NOTCH3: variants seen among roughly 807,000 people sequenced by gnomAD.
NOTCH3 encodes neurogenic locus notch homolog protein 3.
NOTCH3 carries 86 observed loss-of-function variants against 213.3 expected under a neutral mutation model. The ratio of observed to expected loss-of-function variants is 0.40; its 90% CI spans 0.34 to 0.48. NOTCH3 has a LOEUF of 0.48. NOTCH3 is among the 20% of genes least tolerant of loss of function. The pLI, the probability that NOTCH3 is intolerant of heterozygous loss-of-function variation, is 0.57. For missense variants in NOTCH3, 2,783 were observed against 3,272.6 expected, an observed-to-expected ratio of 0.85 and a Z score of 3.65; for synonymous variants, 1,354 against 1,355.9, an observed-to-expected ratio of 1.00 and a Z score of 0.03.
intron 1 of NOTCH3, 85 bp downstream of exon 1, chr19:15,200,703 T>A (rs1316710031): frequency 9.4e-7 from 1 of 1,058,754 alleles, no homozygotes; most frequent in Non-Finnish European, 1.2e-6. Context: ...CTGCCTCCCA[T>A]GAACCCCCGC....
intron 2 of NOTCH3, 67 bp downstream of exon 2, chr19:15,197,433 G>C: frequency 8.5e-7 from 1 of 1,177,600 alleles, no homozygotes; most frequent in Non-Finnish European, 1.2e-6. Flanking sequence ...AGAGGGAGAA[G>C]ACAAATCGCC....
chr19:15,176,741 C>G (rs2046792813), intron 24 of NOTCH3, among the ~76,000 whole-genome samples: 1 of 135,282 alleles, frequency 7.4e-6, no homozygotes, highest in African/African-American at 3.0e-5. Context: ...CCAGCCTGGG[C>G]CACAGAGCAA....
At chr19:15,163,553 A>C (rs949295217) in intron 31 of NOTCH3, among the ~76,000 whole-genome samples, 4 of 152,260 alleles carry the variant, frequency 2.6e-5, no homozygotes, top group African/African-American at 9.6e-5. Context: ...ACTTTTGGCC[A>C]GGCACAGTGG....
chr19:15,199,747 C>T (rs1024056330), intron 1 of NOTCH3, among the ~76,000 whole-genome samples: 2 of 152,278 alleles, frequency 1.3e-5, no homozygotes, highest in South Asian at 2.1e-4. Context: ...CCTGCCTGGT[C>T]CTGCCCCGTC....
chr19:15,173,732 AAAAAAAAAAG>A (rs201174931), intron 25 of NOTCH3, among the ~76,000 whole-genome samples: 12,497 of 29,024 alleles, frequency 0.43, 1,519 homozygotes, highest in African/African-American at 0.56. Flanking sequence ...CTCAAAAAAA[AAAAAAAAAAG>A]AAAAGAAGAA....
rs986161063 is a variant in NOTCH3, at chr19:15,170,495, G to A, written c.4950C>T (p.Gly1650=). 2.5e-6 allele frequency: 4 copies of A among 1,596,688 alleles called. No individual in the cohort carries two copies. Among genetic ancestry groups the A allele is most frequent in the African/African-American group, 1.3e-5 (1 of 74,650 alleles). The part of the protein sequence containing the change: ...SVPLLPLLVA[G]AVLLLVILVL... The stretch of plus-strand genomic sequence containing the variant: ...CGAGAATGACCAGCAGCAAGACAGC[G>A]CCCGCCACTAGCAGTGGCAGCAGCG... Residue 1650 remains glycine, a synonymous_variant, in exon 27 of 33, where the codon GGC becomes GGT. Transcript: ENST00000263388.
intron 6 of NOTCH3, among the ~76,000 whole-genome samples, chr19:15,190,012 C>T (rs1194650560): frequency 6.6e-5 from 10 of 152,028 alleles, no homozygotes; most frequent in African/African-American, 1.9e-4. Flanking sequence ...CAGTGGCTCA[C>T]GTCTATAATC....
rs369733076 is a variant in NOTCH3, at chr19:15,184,425, G to A, written c.2436C>T (p.Asp812=). ...WQGPRCQQDV[D]ECAGPAPCGP... Reference sequence around the variant, plus strand: ...CACAGGGTGCGGGGCCAGCACACTCGTCCACATCCTGCTGGCATCGTGGGC... The same window carrying A: ...CACAGGGTGCGGGGCCAGCACACTCATCCACATCCTGCTGGCATCGTGGGC... The change falls in exon 16 of 33, where the codon GAC becomes GAT. Residue 812 remains aspartate (D), a synonymous_variant. Transcript: ENST00000263388. The A allele has an allele frequency of 4.1e-5, 66 of 1,613,724 alleles. No homozygotes were observed. Among genetic ancestry groups the A allele is most frequent in the Non-Finnish European group, 4.8e-5 (57 of 1,179,876 alleles).
rs1391039325 is a variant in NOTCH3, at chr19:15,174,307, A to G, written c.4497T>C (p.Asp1499=). The change falls in exon 25 of 33, where the codon GAT becomes GAC. Residue 1499 remains aspartate (D), a synonymous_variant. Transcript: ENST00000263388. ...NTEECGWDGL[D]CASEVPALLA... ...GCAGGGCCGGCACCTCGCTGGCACA[A>G]TCCAGCCCATCCCAGCCGCACTCCT... 3 of 1,554,984 alleles carry G rather than the reference A, an allele frequency of 1.9e-6. No homozygotes were observed. Among genetic ancestry groups the G allele is most frequent in the Non-Finnish European group, 2.6e-6 (3 of 1,150,594 alleles).
At chr19:15,162,794 CGT>C (rs2046656988) in intron 31 of NOTCH3, among the ~76,000 whole-genome samples, 1 of 30,868 alleles carries the variant, frequency 3.2e-5, no homozygotes, top group African/African-American at 4.5e-5. Context: ...TGTGTGTGTG[CGT>C]GCATGTGCAT....
At chr19:15,194,949 C>T (rs988519539) in intron 2 of NOTCH3, among the ~76,000 whole-genome samples, 7 of 115,200 alleles carry the variant, frequency 6.1e-5, no homozygotes, top group African/African-American at 2.6e-4. Flanking sequence ...AAGAGCGATA[C>T]TCGATCTCAA....
At chr19:15,168,916 G>A (rs980726875) in intron 28 of NOTCH3, among the ~76,000 whole-genome samples, 5 of 152,050 alleles carry the variant, frequency 3.3e-5, no homozygotes, top group African/African-American at 1.2e-4. Context: ...TGCATTTGAA[G>A]ATAGGACTTT....
Position 15,165,220 on chromosome 19 carries a change from C to T in NOTCH3, c.5815+148G>A. The T allele has an allele frequency of 1.2e-6, 1 of 839,738 alleles. No homozygotes were observed. Among genetic ancestry groups the T allele is most frequent in the Non-Finnish European group, 2.0e-6 (1 of 499,420 alleles). The allele number at this position is 839,738 out of a possible 1,614,324, so 52.0% of individuals were successfully genotyped here. ...ACCCTAAGGACTAGTGGTGACCCTG[C>T]ATGACCCTGCAGGCTTCATGAAGCC... On this transcript the variant is annotated intron_variant, in intron 31 of 32. Coordinates refer to ENST00000263388, the MANE Select transcript of NOTCH3 (RefSeq NM_000435.3). The surrounding 1 kb of genome is among the most constrained non-coding windows in gnomAD (Gnocchi z 4.7).
At chr19:15,164,273 C>T (rs970450726) in intron 31 of NOTCH3, among the ~76,000 whole-genome samples, 2 of 152,104 alleles carry the variant, frequency 1.3e-5, no homozygotes, top group African/African-American at 4.8e-5. Context: ...GACTCAGTGG[C>T]TCATGCCTAT....
chr19:15,197,439 T>TCGCGG, intron 2 of NOTCH3, 61 bp downstream of exon 2: 2 of 910,344 alleles, frequency 2.2e-6, no homozygotes, highest in East Asian at 2.6e-5. Context: ...AGAAGACAAA[T>TCGCGG]CGCCCCTCCC....
chr19:15,193,113 G>A (rs1473118694), intron 2 of NOTCH3, among the ~76,000 whole-genome samples: 4 of 152,050 alleles, frequency 2.6e-5, no homozygotes, highest in East Asian at 1.9e-4. Flanking sequence ...GGCAGGGGGC[G>A]GTGAAAGCCA....
In NOTCH3 at chr19:15,181,036, G is replaced by A. The variant is rs1156984881; in HGVS notation, c.2919C>T (p.His973=). 13 of 1,603,000 alleles carry A rather than the reference G, an allele frequency of 8.1e-6. No homozygotes were observed. Among genetic ancestry groups the A allele is most frequent in the Non-Finnish European group, 1.0e-5 (12 of 1,175,582 alleles). The change falls in exon 18 of 33, where the codon CAC becomes CAT. Residue 973 remains histidine, a synonymous_variant. Coordinates refer to ENST00000263388, the MANE Select transcript of NOTCH3 (RefSeq NM_000435.3). ...ADPCLSRPCL[H]GGVCSAAHPG... ...GGTGGGCGGCGCTGCAGACGCCCCC[G>A]TGTAGGCAGGGCCGCGAGAGGCAGG... is the stretch of plus-strand genomic sequence containing the variant.
intron 6 of NOTCH3, 131 bp from the exon 7 acceptor site, chr19:15,189,559 C>T (rs2046912190): frequency 1.8e-6 from 2 of 1,138,014 alleles, no homozygotes; most frequent in African/African-American, 3.0e-5. Flanking sequence ...GCTCTTGTTG[C>T]CCAAGCTGGA....
In NOTCH3 at chr19:15,192,536, C is replaced by T. The variant is rs759256595; in HGVS notation, c.198-17G>A. 1 of 1,569,378 alleles carries T rather than the reference C, an allele frequency of 6.4e-7. No homozygotes were observed. Among genetic ancestry groups the T allele is most frequent in the Non-Finnish European group, 8.6e-7 (1 of 1,158,080 alleles). On this transcript the variant is annotated splice_polypyrimidine_tract_variant and intron_variant, in intron 2 of 32. Transcript: ENST00000263388. ...GGCGGGCACCTGTGGGCAGAGATGG[C>T]TTGGTTGGGCAGCACAGGGCAGGAT...
Sources: allele counts gnomAD v4.1 joint callset (sites outside exome capture counted in the v4.1 genomes callset), GRCh38; gene constraint gnomAD v4.1.1; non-coding constraint Gnocchi (gnomAD v3.1); transcripts MANE v1.5; gene names NCBI Gene and HGNC (gene_info 2026-07-23, HGNC 2026-07-21).